Variants in CHST3 observed in about 807,000 individuals in gnomAD.
The protein encoded by CHST3 is carbohydrate sulfotransferase 3.
CHST3 carries 20 observed loss-of-function variants against 35.4 expected under a neutral mutation model. That is an observed-to-expected ratio of 0.57 (90% CI 0.40 to 0.82). The LOEUF is 0.82. Ranked by LOEUF, CHST3 falls within the 40% of genes least tolerant of loss-of-function variation. The probability of loss-of-function intolerance (pLI) is 0.00; values close to 1 mark genes in which losing one functional copy is unlikely to be tolerated. For missense variants in CHST3, 693 were observed against 670.1 expected (o/e 1.03, Z -0.38); for synonymous variants, 334 against 295.9 (o/e 1.13, Z -1.32).
intron 1 of CHST3, among the ~76,000 whole-genome samples, chr10:71,973,136 G>A (rs1839711987): frequency 6.6e-6 from 1 of 152,230 alleles, no homozygotes; most frequent in Non-Finnish European, 1.5e-5. Flanking sequence ...TGGGGAGGGT[G>A]GCAGGAGTCG....
chr10:71,969,623 T>G (rs1183058883), intron 1 of CHST3, among the ~76,000 whole-genome samples: 3 of 152,200 alleles, frequency 2.0e-5, no homozygotes, highest in Non-Finnish European at 4.4e-5. Context: ...GCAAAGAAAC[T>G]GGAGCCCTCT....
chr10:72,003,700 CAAA>C (rs10688056), intron 1 of CHST3, among the ~76,000 whole-genome samples: 8 of 111,540 alleles, frequency 7.2e-5, no homozygotes, highest in Admixed American at 1.9e-4. Flanking sequence ...GACTCTGTCT[CAAA>C]AAAAAAAAAA....
intron 1 of CHST3, among the ~76,000 whole-genome samples, chr10:72,000,401 G>A (rs1004655170): frequency 3.3e-5 from 5 of 152,156 alleles, no homozygotes; most frequent in African/African-American, 4.8e-5. Flanking sequence ...TCTATGAAGG[G>A]AGTAAAGCAG....
chr10:71,990,054 G>A (rs893000842), intron 1 of CHST3, among the ~76,000 whole-genome samples: 4 of 152,092 alleles, frequency 2.6e-5, no homozygotes, highest in South Asian at 2.1e-4. Flanking sequence ...AATTATAATC[G>A]ATTTATTGTT....
intron 1 of CHST3, among the ~76,000 whole-genome samples, chr10:71,999,433 C>T (rs1329629055): frequency 1.3e-5 from 2 of 152,244 alleles, no homozygotes; most frequent in Non-Finnish European, 2.9e-5. Context: ...ACTCTGTCAC[C>T]AGCTCTTGCC....
rs148801316 is a variant in CHST3, at chr10:72,007,342, A to G, written c.311A>G (p.Glu104Gly). ...AACCTCAGCTTGCAGCTGGGCGTGG[A>G]GCCAGCCATGGAGGCCGCAGGGGAG... Reference protein sequence around the residue: ...LRNLSLQLGVEPAMEAAGEEE... With the variant: ...LRNLSLQLGVGPAMEAAGEEE... Residue 104 changes from glutamate to glycine, a missense_variant, in exon 3 of 3, where the codon GAG becomes GGG. Transcript: ENST00000373115. 99 of 1,609,754 alleles carry G rather than the reference A, an allele frequency of 6.2e-5. No homozygotes were observed. Among genetic ancestry groups the G allele is most frequent in the Non-Finnish European group, 8.4e-5 (99 of 1,178,208 alleles).
chr10:71,975,957 C>T (rs1238290320), intron 1 of CHST3, among the ~76,000 whole-genome samples: 1 of 152,230 alleles, frequency 6.6e-6, no homozygotes, highest in Non-Finnish European at 1.5e-5. Context: ...TTGGCCTGAG[C>T]TCCCGCGGTA....
At chr10:71,973,366 C>T (rs1334581176) in intron 1 of CHST3, among the ~76,000 whole-genome samples, 1 of 152,192 alleles carries the variant, frequency 6.6e-6, no homozygotes, top group East Asian at 1.9e-4. Context: ...GCACTCTGGG[C>T]CCACTGCTCA....
At chr10:71,965,190 G>A (rs1215118572) in intron 1 of CHST3, among the ~76,000 whole-genome samples, 1 of 152,242 alleles carries the variant, frequency 6.6e-6, no homozygotes, top group Non-Finnish European at 1.5e-5. Flanking sequence ...GGGAGCAGAT[G>A]TTGCAGTCGG....
intron 1 of CHST3, among the ~76,000 whole-genome samples, chr10:71,989,286 C>CT (rs1243312975): frequency 2.0e-5 from 3 of 151,992 alleles, no homozygotes; most frequent in East Asian, 1.9e-4. Flanking sequence ...CTCCAAAAAG[C>CT]TTTTTTTAAA....
Position 71,970,753 on chromosome 10 carries a change from T to C in CHST3, c.-108+6059T>C, listed in dbSNP as rs368225486. Among the ~76,000 whole-genome samples, 11 of 152,364 alleles carry C rather than the reference T, an allele frequency of 7.2e-5. No individual in the cohort carries two copies. The South Asian group carries it at 1.9e-3, about 26-fold the overall frequency. ...TGATGGTGCAGAATGATGAGACTTT[T>C]CTCCATTTTGTGGCATCTGAGAAGC... On this transcript the variant is annotated intron_variant, in intron 1 of 2. Coordinates refer to ENST00000373115, the MANE Select transcript of CHST3 (RefSeq NM_004273.5).
rs757595872 is a variant in CHST3, at chr10:72,008,407, C to A, written c.1376C>A (p.Ala459Asp). Residue 459 changes from alanine to aspartate, a missense_variant, in exon 3 of 3, where the codon GCC (alanine) becomes GAC (aspartate). By Grantham distance (126) the Ala-to-Asp change is moderately radical. Coordinates refer to ENST00000373115, the MANE Select transcript of CHST3 (RefSeq NM_004273.5). ...TTCGGCTACAAACTGGCGCGGGACGCCGCCGCCCTCACCAACCGCTCAGTC... is the reference window on the plus strand; with the variant it reads ...TTCGGCTACAAACTGGCGCGGGACGACGCCGCCCTCACCAACCGCTCAGTC... ...RLFGYKLARDAAALTNRSVSL... is the reference protein window; with the variant it reads ...RLFGYKLARDDAALTNRSVSL... 1.9e-6 allele frequency: 3 copies of A among 1,571,080 alleles called. No homozygotes were observed. Among genetic ancestry groups the A allele is most frequent in the South Asian group, 1.2e-5 (1 of 85,462 alleles).
chr10:72,008,165 G>T lies in CHST3; in HGVS notation c.1134G>T (p.Pro378=). 2 of 1,548,704 alleles carry T rather than the reference G, an allele frequency of 1.3e-6. No homozygotes were observed. The highest frequency in any genetic ancestry group is 1.7e-6 in the Non-Finnish European group (2 of 1,146,484). ...GCTACGAGGACGTGGCACGCGGGCC[G>T]CTGCAGAAGGCCCGCGAGATGTACC... The part of the protein sequence containing the change: ...LVRYEDVARG[P]LQKAREMYRF... The change falls in exon 3 of 3, where the codon CCG becomes CCT. Residue 378 remains proline (P), a synonymous_variant. Transcript: ENST00000373115.
intron 1 of CHST3, among the ~76,000 whole-genome samples, chr10:71,988,191 A>T (rs1390225184): frequency 6.6e-6 from 1 of 152,250 alleles, no homozygotes; most frequent in Non-Finnish European, 1.5e-5. Flanking sequence ...AAAATGGGAA[A>T]AAATAGGGCA....
At chr10:72,001,614 C>T (rs1839994368) in intron 1 of CHST3, among the ~76,000 whole-genome samples, 1 of 152,086 alleles carries the variant, frequency 6.6e-6, no homozygotes, top group Non-Finnish European at 1.5e-5. Flanking sequence ...GCTGGGATTA[C>T]AGGCGACCAC....
chr10:71,977,906 A>G (rs1440665428), intron 1 of CHST3, among the ~76,000 whole-genome samples: 1 of 152,082 alleles, frequency 6.6e-6, no homozygotes, highest in East Asian at 1.9e-4. Flanking sequence ...TTTTTAAAGA[A>G]GGTCTCCCAC....
chr10:71,966,721 T>A (rs1455514338), intron 1 of CHST3, among the ~76,000 whole-genome samples: 1 of 152,158 alleles, frequency 6.6e-6, no homozygotes, highest in Non-Finnish European at 1.5e-5. Context: ...GAATCGAGAG[T>A]TCTGTATACA....
intron 1 of CHST3, among the ~76,000 whole-genome samples, chr10:72,001,595 T>C (rs1839994217): frequency 1.3e-5 from 2 of 151,886 alleles, no homozygotes; most frequent in South Asian, 4.2e-4. Context: ...TGCCTCCGCC[T>C]CCCAAATAGC....
At chr10:71,995,045 C>T (rs1449075411) in intron 1 of CHST3, among the ~76,000 whole-genome samples, 1 of 152,192 alleles carries the variant, frequency 6.6e-6, no homozygotes, top group Non-Finnish European at 1.5e-5. Context: ...ATCCAGACCA[C>T]TCAAACTTTC....
Sources: allele counts gnomAD v4.1 joint callset (sites outside exome capture counted in the v4.1 genomes callset), GRCh38; gene constraint gnomAD v4.1.1; transcripts MANE v1.5; gene names NCBI Gene and HGNC (gene_info 2026-07-23, HGNC 2026-07-21).